Variants in SRGAP1 observed in about 807,000 individuals in gnomAD.
SRGAP1 encodes SLIT-ROBO Rho GTPase-activating protein 1.
In SRGAP1, 43 loss-of-function variants were observed where a neutral mutation model predicts 121.9. The observed-to-expected ratio is 0.35, with a 90% CI of 0.28 to 0.46. SRGAP1 has a LOEUF of 0.46. Among genes scored for constraint, SRGAP1 ranks in the 20% least tolerant of loss-of-function variants. The pLI is 1.00. For missense variants in SRGAP1, 1,102 were observed against 1,350.9 expected (o/e 0.82, Z 2.89); for synonymous variants, 447 against 485.4 (o/e 0.92, Z 1.04).
chr12:64,036,589 C>G (rs546286678), intron 4 of SRGAP1, among the ~76,000 whole-genome samples: 1 of 152,276 alleles, frequency 6.6e-6, no homozygotes, highest in African/African-American at 2.4e-5. Flanking sequence ...TCTCCCTTCC[C>G]TGCCAAACCA....
At chr12:63,900,204 C>CTTTTTTTTCTT (rs755464707) in intron 1 of SRGAP1, among the ~76,000 whole-genome samples, 302 of 87,458 alleles carry the variant, frequency 3.5e-3, no homozygotes, top group South Asian at 4.8e-3. Context: ...TTTTCTTTTT[C>CTTTTTTTTCTT]TTTTTTTTTT....
chr12:63,923,191 T>TAAA (rs1293274706), intron 1 of SRGAP1, among the ~76,000 whole-genome samples: 3 of 152,252 alleles, frequency 2.0e-5, no homozygotes, highest in Non-Finnish European at 4.4e-5. Flanking sequence ...TTTTCTTATG[T>TAAA]ACTTTTATGC....
intron 8 of SRGAP1, among the ~76,000 whole-genome samples, chr12:64,075,628 A>G (rs989807852): frequency 2.0e-5 from 3 of 152,222 alleles, no homozygotes; most frequent in African/African-American, 7.2e-5. Flanking sequence ...AAATTTGTCT[A>G]CAAGCTACAA....
At chr12:64,109,151 T>G in intron 16 of SRGAP1, 114 bp downstream of exon 16, 3 of 600,566 alleles carry the variant, frequency 5.0e-6, no homozygotes, top group Non-Finnish European at 7.9e-6. Flanking sequence ...GAAAAATGAT[T>G]GAATATACAT....
chr12:64,074,795 TTATAAA>T (rs1395276604), intron 8 of SRGAP1, among the ~76,000 whole-genome samples: 1 of 152,194 alleles, frequency 6.6e-6, no homozygotes, highest in African/African-American at 2.4e-5. Flanking sequence ...TTTAAAAGTA[TTATAAA>T]TATAAAATTT....
At chr12:63,990,215 G>T in intron 3 of SRGAP1, 143 bp downstream of exon 3, 1 of 700,980 alleles carries the variant, frequency 1.4e-6, no homozygotes, top group Non-Finnish European at 2.3e-6. Flanking sequence ...TAGATGAATG[G>T]ATGTTTTAAA....
chr12:63,977,523 G>A (rs2033125541), intron 1 of SRGAP1, among the ~76,000 whole-genome samples: 1 of 152,096 alleles, frequency 6.6e-6, no homozygotes, highest in Non-Finnish European at 1.5e-5. Flanking sequence ...ATATGTATCA[G>A]TTTGTGGCTT....
chr12:64,039,657 G>GTGTGTGTGTGTGTA (rs1268539745), intron 4 of SRGAP1, among the ~76,000 whole-genome samples: 2 of 148,416 alleles, frequency 1.3e-5, no homozygotes, highest in African/African-American at 5.0e-5. Context: ...GTGTGTGTGT[G>GTGTGTGTGTGTGTA]TGTACACCCT....
intron 1 of SRGAP1, among the ~76,000 whole-genome samples, chr12:63,901,694 CCA>C (rs1294853460): frequency 1.3e-5 from 2 of 152,196 alleles, no homozygotes; most frequent in Non-Finnish European, 2.9e-5. Flanking sequence ...CTGCTACTAA[CCA>C]CAGTTTGGCC....
intron 1 of SRGAP1, among the ~76,000 whole-genome samples, chr12:63,896,400 G>A: frequency 6.6e-6 from 1 of 152,130 alleles, no homozygotes; most frequent in East Asian, 1.9e-4. Flanking sequence ...ACCTATAGTT[G>A]AACAACTCAG....
chr12:64,023,126 A>G (rs952531155), intron 4 of SRGAP1, among the ~76,000 whole-genome samples: 11 of 150,818 alleles, frequency 7.3e-5, no homozygotes, highest in Admixed American at 1.3e-4. Flanking sequence ...GATATCAGGA[A>G]TGATTTTAAC....
At chr12:64,113,739 C>T (rs2036471174) in intron 17 of SRGAP1, among the ~76,000 whole-genome samples, 1 of 152,146 alleles carries the variant, frequency 6.6e-6, no homozygotes, top group Non-Finnish European at 1.5e-5. Flanking sequence ...TTAGCATGAC[C>T]ACTCTACCAA....
At chr12:64,047,631 T>C (rs2035156920) in intron 6 of SRGAP1, among the ~76,000 whole-genome samples, 1 of 152,176 alleles carries the variant, frequency 6.6e-6, no homozygotes, top group African/African-American at 2.4e-5. Context: ...TCTTTTTATA[T>C]AAACCCCCAG....
In SRGAP1 at chr12:63,858,678, A is replaced by G. The variant is rs80167906; in HGVS notation, c.67+13795A>G. ...AGTTACAGGATTATTTGTGCTGTGT[A>G]TTTCTTCTCATGTCAGTTTTGATAA... On this transcript the variant is annotated intron_variant, in intron 1 of 21. Coordinates refer to ENST00000355086, the MANE Select transcript of SRGAP1 (RefSeq NM_020762.4). Among the ~76,000 whole-genome samples, 330 of 152,128 alleles carry G rather than the reference A, an allele frequency of 2.2e-3. 2 individuals carry two copies. Among genetic ancestry groups the G allele is most frequent in the African/African-American group, 7.5e-3 (313 of 41,514 alleles).
In SRGAP1 at chr12:64,145,813, GAGA is replaced by G. The variant is rs1239897121; in HGVS notation, c.*3147_*3149del. 9.8e-5 allele frequency: 15 copies of G among 152,334 alleles called. No individual in the cohort carries two copies. The East Asian group carries it at 1.9e-3, about 20-fold the overall frequency. 9.4% of individuals were successfully genotyped at this position (152,334 alleles called of 1,614,324 possible). A position where few individuals can be genotyped will look rare whatever the true frequency, so the allele number is the denominator to read the frequency against. ...GAGGTGGGAAGACACAGGGAAACGA[GAGA>G]AGAAGGATAATGAGGCCTTGAGGTG... On this transcript the variant is annotated 3_prime_UTR_variant, in exon 22 of 22. Coordinates refer to ENST00000355086, the MANE Select transcript of SRGAP1 (RefSeq NM_020762.4).
intron 6 of SRGAP1, among the ~76,000 whole-genome samples, chr12:64,060,205 C>CA (rs2035422300): frequency 8.2e-6 from 1 of 121,446 alleles, no homozygotes; most frequent in Non-Finnish European, 1.8e-5. Context: ...TTCTTTTTTT[C>CA]TTTTTTTTTT....
intron 19 of SRGAP1, 138 bp downstream of exon 19, chr12:64,126,295 T>C: frequency 3.2e-6 from 3 of 933,204 alleles, no homozygotes; most frequent in Non-Finnish European, 4.5e-6. Context: ...CACAGTTCCT[T>C]ACCTTGCCAG....
intron 1 of SRGAP1, among the ~76,000 whole-genome samples, chr12:63,865,876 G>T (rs1899611874): frequency 6.6e-6 from 1 of 152,220 alleles, no homozygotes; most frequent in Non-Finnish European, 1.5e-5. Context: ...CAATGACCAT[G>T]ACCTTTTTTT....
At chr12:63,935,946 A>G (rs997238574) in intron 1 of SRGAP1, among the ~76,000 whole-genome samples, 13 of 152,220 alleles carry the variant, frequency 8.5e-5, no homozygotes, top group African/African-American at 3.1e-4. Flanking sequence ...CTCTTCTTTC[A>G]TACATCAACA....
Sources: gnomAD v4.1 joint callset for allele counts (sites outside exome capture counted in the v4.1 genomes callset) on GRCh38, gnomAD v4.1.1 for gene constraint, MANE v1.5 for transcripts, NCBI Gene and HGNC (gene_info 2026-07-23, HGNC 2026-07-21) for gene names.